The following PIK3C2G variants were observed in gnomAD, a reference collection of about 807,000 sequenced individuals.
PIK3C2G encodes phosphatidylinositol 3-kinase C2 domain-containing subunit gamma.
A neutral mutation model predicts 181.1 loss-of-function variants in PIK3C2G; 168 were observed. The ratio of observed to expected loss-of-function variants is 0.93; its 90% CI spans 0.82 to 1.05. The LOEUF is 1.05. PIK3C2G is among the 50% of genes least tolerant of loss of function. The pLI is 0.00. For missense variants in PIK3C2G, 1,869 were observed against 1,732.8 expected (o/e 1.08, Z -1.40); for synonymous variants, 573 against 592.2 (o/e 0.97, Z 0.47).
At chr12:18,438,141 A>G (rs936367124) in intron 18 of PIK3C2G, among the ~76,000 whole-genome samples, 1 of 151,856 alleles carries the variant, frequency 6.6e-6, no homozygotes, top group East Asian at 1.9e-4. Context: ...TAAACATTTT[A>G]TTTAGTGATT....
intron 31 of PIK3C2G, among the ~76,000 whole-genome samples, chr12:18,633,392 G>A (rs1304362622): frequency 6.6e-6 from 1 of 152,188 alleles, no homozygotes; most frequent in Non-Finnish European, 1.5e-5. Flanking sequence ...AGTCATCTCT[G>A]TAACTGGTCA....
At chr12:18,288,648 A>G (rs1470303835) in intron 3 of PIK3C2G, among the ~76,000 whole-genome samples, 1 of 152,210 alleles carries the variant, frequency 6.6e-6, no homozygotes, top group Non-Finnish European at 1.5e-5. Context: ...TATGATAAGC[A>G]TAGCTAGAAA....
At chr12:18,422,319 T>TA (rs200238265) in intron 17 of PIK3C2G, among the ~76,000 whole-genome samples, 4,857 of 138,918 alleles carry the variant, frequency 0.035, 233 homozygotes, top group African/African-American at 0.11. Flanking sequence ...CTAGAAAAAT[T>TA]TAAAAAAAAA....
intron 10 of PIK3C2G, 95 bp from the exon 11 acceptor site, chr12:18,346,546 G>T (rs2137661529): frequency 1.5e-6 from 1 of 687,758 alleles, no homozygotes; most frequent in South Asian, 2.3e-5. Context: ...TAAAATTATT[G>T]AAATTGTATT....
intron 31 of PIK3C2G, among the ~76,000 whole-genome samples, chr12:18,624,277 T>G (rs1948994536): frequency 6.6e-6 from 1 of 151,802 alleles, no homozygotes; most frequent in Admixed American, 6.6e-5. Context: ...GCTTTTTTTC[T>G]AGTGAGATGA....
the PIK3C2G span, among the ~76,000 whole-genome samples, chr12:18,710,874 T>A: frequency 1.1e-4 from 17 of 152,002 alleles, no homozygotes; most frequent in Admixed American, 3.3e-4. Context: ...CATTAAAAAG[T>A]CAGGAAACAA....
the PIK3C2G span, among the ~76,000 whole-genome samples, chr12:18,706,490 C>T: frequency 6.6e-6 from 1 of 152,040 alleles, no homozygotes; most frequent in Non-Finnish European, 1.5e-5. Context: ...GAATTAGAAA[C>T]AAAGATAAAG....
At position 18,538,586 on chromosome 12, in the gene PIK3C2G, G is replaced by C. The variant is rs575818218; in HGVS notation, c.3480+274G>C. On this transcript the variant is annotated intron_variant, in intron 25 of 32. Transcript: ENST00000538779. ...ATATTTTGACTAATGTTCAAGGACA[G>C]TAATTTTAAAAATAATGCCTTCAGT... is the stretch of plus-strand genomic sequence containing the variant. Among the ~76,000 whole-genome samples the C allele has an allele frequency of 3.3e-5, 5 of 152,084 alleles. No homozygotes were observed. In the South Asian group the frequency reaches 8.3e-4, roughly 25 times the overall value.
intron 26 of PIK3C2G, among the ~76,000 whole-genome samples, chr12:18,550,252 T>C (rs1386368964): frequency 6.6e-6 from 1 of 152,084 alleles, no homozygotes; most frequent in East Asian, 1.9e-4. Flanking sequence ...CATTTGTATA[T>C]TATAAATTTC....
chr12:18,265,344 T>G, intron 1 of PIK3C2G, among the ~76,000 whole-genome samples: 1 of 152,178 alleles, frequency 6.6e-6, no homozygotes, highest in East Asian at 1.9e-4. Flanking sequence ...ACAAATGTTT[T>G]TGTATGATTT....
At chr12:18,669,698 C>T in the PIK3C2G span, among the ~76,000 whole-genome samples, 1 of 152,120 alleles carries the variant, frequency 6.6e-6, no homozygotes, top group South Asian at 2.1e-4. Context: ...CGCTCTGTCA[C>T]CCAGGCTAGA....
intron 24 of PIK3C2G, among the ~76,000 whole-genome samples, chr12:18,512,570 T>A (rs1012111050): frequency 1.3e-5 from 2 of 151,894 alleles, no homozygotes; most frequent in Non-Finnish European, 3.0e-5. Context: ...CCCCCATAAA[T>A]GGGATTTTCT....
chr12:18,560,907 C>T (rs1945310662), intron 26 of PIK3C2G, among the ~76,000 whole-genome samples: 1 of 152,140 alleles, frequency 6.6e-6, no homozygotes. Context: ...GACTAACTCA[C>T]TTATATGGTA....
At chr12:18,375,554 A>G (rs955189691) in intron 13 of PIK3C2G, among the ~76,000 whole-genome samples, 1 of 152,242 alleles carries the variant, frequency 6.6e-6, no homozygotes, top group African/African-American at 2.4e-5. Flanking sequence ...CTGCCTGGCC[A>G]TGTGGCAGAG....
chr12:18,290,594 T>C (rs1294118566), intron 3 of PIK3C2G, among the ~76,000 whole-genome samples: 1 of 152,200 alleles, frequency 6.6e-6, no homozygotes, highest in Non-Finnish European at 1.5e-5. Flanking sequence ...CAATGAATTC[T>C]TAATTATTTC....
At chr12:18,543,025 C>T (rs1188984228) in intron 25 of PIK3C2G, among the ~76,000 whole-genome samples, 1 of 151,906 alleles carries the variant, frequency 6.6e-6, no homozygotes, top group Non-Finnish European at 1.5e-5. Flanking sequence ...TAAGTGTTCC[C>T]GTTTCTCTGC....
intron 12 of PIK3C2G, among the ~76,000 whole-genome samples, chr12:18,366,476 G>A (rs925604980): frequency 4.6e-5 from 7 of 152,116 alleles, no homozygotes; most frequent in Non-Finnish European, 1.0e-4. Flanking sequence ...GTTGCAATGA[G>A]CCGAGATTGC....
intron 24 of PIK3C2G, among the ~76,000 whole-genome samples, chr12:18,512,446 C>T (rs1942270724): frequency 6.6e-6 from 1 of 151,758 alleles, no homozygotes; most frequent in Non-Finnish European, 1.5e-5. Flanking sequence ...TCCAAGAACA[C>T]AGAAAATCTT....
chr12:18,390,037 T>G (rs1352134909), intron 14 of PIK3C2G, among the ~76,000 whole-genome samples: 1 of 152,186 alleles, frequency 6.6e-6, no homozygotes, highest in Non-Finnish European at 1.5e-5. Context: ...TTAATCTTTG[T>G]CAAGAGGCAA....
Sources: gnomAD v4.1 joint callset for allele counts (sites outside exome capture counted in the v4.1 genomes callset) on GRCh38, gnomAD v4.1.1 for gene constraint, MANE v1.5 for transcripts, NCBI Gene and HGNC (gene_info 2026-07-23, HGNC 2026-07-21) for gene names.